RCBTB2: variants seen among roughly 807,000 people sequenced by gnomAD.
The protein encoded by RCBTB2 is RCC1 and BTB domain-containing protein 2.
RCBTB2 carries 55 observed loss-of-function variants against 65.4 expected under a neutral mutation model. The observed-to-expected ratio is 0.84, with a 90% CI of 0.68 to 1.05. The LOEUF (loss-of-function observed/expected upper bound fraction) is 1.05, where lower values mean the gene tolerates loss of function less well. RCBTB2 is among the 50% of genes least tolerant of loss of function. The pLI, the probability that RCBTB2 is intolerant of heterozygous loss-of-function variation, is 0.00. For synonymous variants in RCBTB2, 220 were observed against 255.2 expected, an observed-to-expected ratio of 0.86 and a Z score of 1.31; for missense variants, 599 against 680.1, an observed-to-expected ratio of 0.88 and a Z score of 1.33.
At chr13:48,522,183 T>G in intron 3 of RCBTB2, 125 bp downstream of exon 3, 1 of 750,180 alleles carries the variant, frequency 1.3e-6, no homozygotes, top group East Asian at 2.7e-5. Flanking sequence ...TACGGGAATC[T>G]TCCTGCTGAG....
intron 2 of RCBTB2, 95 bp from the exon 3 acceptor site, chr13:48,522,498 C>A: frequency 1.5e-6 from 1 of 663,146 alleles, no homozygotes; most frequent in Non-Finnish European, 2.6e-6. Context: ...AAATCTGAAA[C>A]AACAGCCATC....
Position 48,502,879 on chromosome 13 carries a change from G to T in RCBTB2, c.962C>A (p.Thr321Lys). The change falls in exon 11 of 15, where the codon ACG (threonine) becomes AAG (lysine). Residue 321 changes from threonine (T) to lysine (K), a missense_variant. Physicochemically the swap from Thr to Lys is moderately conservative, Grantham distance 78. Coordinates refer to ENST00000344532, the MANE Select transcript of RCBTB2 (RefSeq NM_001268.4). ...IEIAACHSTH[T>K]SAAKTQGGHV... is the part of the protein sequence containing the mutation. ...CCCACCCTGCGTCTTGGCCGCAGAC[G>T]TGTGTGTGGAGTGACAGGCTGCAAT... 6.2e-7 allele frequency: 1 copy of T among 1,613,890 alleles called. No homozygotes were observed.
Position 48,490,378 on chromosome 13 carries a change from G to C in RCBTB2, c.1516-127C>G, listed in dbSNP as rs9332074. ...TAATAGGCAAGTGGAGGAAATGATG[G>C]CATGGTAATACCTAAAGAATAGTCA... On this transcript the variant is annotated intron_variant, in intron 14 of 14. Transcript: ENST00000344532. 2,149 of 700,152 alleles carry C rather than the reference G, an allele frequency of 3.1e-3. 27 individuals are homozygous for C. In the African/African-American group the frequency reaches 0.035, roughly 12 times the overall value. The allele number at this position is 700,152 out of a possible 1,614,324, so 43.4% of individuals were successfully genotyped here.
chr13:48,499,865 G>T, intron 12 of RCBTB2, 105 bp from the exon 13 acceptor site: 1 of 1,286,232 alleles, frequency 7.8e-7, no homozygotes, highest in Non-Finnish European at 1.1e-6. Flanking sequence ...GCACGTCCCT[G>T]CTGTGGCTCC....
intron 5 of RCBTB2, 99 bp downstream of exon 5, chr13:48,515,484 CTTT>C: frequency 7.9e-7 from 1 of 1,263,898 alleles, no homozygotes; most frequent in Non-Finnish European, 1.1e-6. Flanking sequence ...AATTTCCATG[CTTT>C]TTTTTTTAAC....
chr13:48,517,735 C>A (rs780801094), intron 4 of RCBTB2, among the ~76,000 whole-genome samples: 1 of 152,118 alleles, frequency 6.6e-6, no homozygotes, highest in Non-Finnish European at 1.5e-5. Flanking sequence ...AAAAAGAGCT[C>A]AAAAGATAGT....
intron 1 of RCBTB2, among the ~76,000 whole-genome samples, chr13:48,529,387 T>C (rs1419717391): frequency 6.6e-6 from 1 of 152,196 alleles, no homozygotes; most frequent in East Asian, 1.9e-4. Flanking sequence ...TTTTGTTCAG[T>C]ATTATATACA....
chr13:48,509,729 T>A (rs1950684818), intron 10 of RCBTB2, among the ~76,000 whole-genome samples: 1 of 152,214 alleles, frequency 6.6e-6, no homozygotes, highest in Non-Finnish European at 1.5e-5. Flanking sequence ...AATACCCAAA[T>A]GAAAACTGAG....
At chr13:48,531,543 G>C (rs1414657274) in intron 1 of RCBTB2, among the ~76,000 whole-genome samples, 1 of 152,224 alleles carries the variant, frequency 6.6e-6, no homozygotes, top group East Asian at 1.9e-4. Context: ...GAGTGGGAAA[G>C]TGAGCATTGA....
chr13:48,526,463 G>C (rs527953012), intron 1 of RCBTB2, among the ~76,000 whole-genome samples: 24 of 152,246 alleles, frequency 1.6e-4, no homozygotes, highest in Admixed American at 5.9e-4. Flanking sequence ...TTGAACCCAG[G>C]ATGTGGAGGC....
chr13:48,519,706 T>C (rs1333726818), intron 4 of RCBTB2, among the ~76,000 whole-genome samples: 4 of 152,198 alleles, frequency 2.6e-5, no homozygotes, highest in Non-Finnish European at 5.9e-5. Context: ...AAACAAATAA[T>C]TACAATATAA....
At chr13:48,507,669 C>T (rs1156432130) in intron 10 of RCBTB2, among the ~76,000 whole-genome samples, 1 of 152,178 alleles carries the variant, frequency 6.6e-6, no homozygotes, top group African/African-American at 2.4e-5. Flanking sequence ...GGAGAAGAAA[C>T]AGCAAAGATG....
At chr13:48,498,420 T>C (rs1950071920) in intron 13 of RCBTB2, among the ~76,000 whole-genome samples, 1 of 152,128 alleles carries the variant, frequency 6.6e-6, no homozygotes, top group Non-Finnish European at 1.5e-5. Context: ...CAAATGTTAG[T>C]GGTGGGCCGA....
intron 1 of RCBTB2, among the ~76,000 whole-genome samples, chr13:48,529,776 C>A (rs541554644): frequency 1.1e-4 from 17 of 152,064 alleles, no homozygotes; most frequent in African/African-American, 2.9e-4. Flanking sequence ...GAAGTAAAAT[C>A]TCCAAGTAGA....
At position 48,524,748 on chromosome 13, in the gene RCBTB2, G is replaced by A. The variant is rs1303942331; in HGVS notation, c.-209C>T. On this transcript the variant is annotated 5_prime_UTR_variant, in exon 2 of 15. Coordinates refer to ENST00000344532, the MANE Select transcript of RCBTB2 (RefSeq NM_001268.4). ...TTGTAAAGTTGTCTTCTAGAGCAAA[G>A]TTAATGTGACTGGAAATATAAATAC... 1 of 152,142 alleles carries A rather than the reference G, an allele frequency of 6.6e-6. No homozygotes were observed. The highest frequency in any genetic ancestry group is 2.4e-5 in the African/African-American group (1 of 41,448). The allele number at this position is 152,142 out of a possible 1,614,324, so 9.4% of individuals were successfully genotyped here.
intron 13 of RCBTB2, 144 bp from the exon 14 acceptor site, chr13:48,496,465 C>G (rs1241037857): frequency 1.3e-6 from 1 of 741,218 alleles, no homozygotes; most frequent in African/African-American, 1.8e-5. Context: ...CTGACTGACA[C>G]TTACACTTCA....
rs1694369972 is a variant in RCBTB2 at position 48,515,187 on chromosome 13, A to T, written c.349+18T>A. On this transcript the variant is annotated intron_variant, in intron 6 of 14. Transcript: ENST00000344532. The stretch of plus-strand genomic sequence containing the variant: ...GCTGCGAATAAAGCTGAAATTCTAC[A>T]TGGGGTTCCTAGGTTACCTGTTGTT... 6.2e-7 allele frequency: 1 copy of T among 1,605,310 alleles called. No homozygotes were observed. Among genetic ancestry groups the T allele is most frequent in the Non-Finnish European group, 8.5e-7 (1 of 1,176,230 alleles).
chr13:48,522,325 T>C lies in RCBTB2; in HGVS notation c.-41A>G, dbSNP rs866205568. 2.0e-6 allele frequency: 3 copies of C among 1,529,296 alleles called. No individual in the cohort carries two copies. The highest frequency in any genetic ancestry group is 2.4e-5 in the East Asian group (1 of 40,886). 94.7% of individuals were successfully genotyped at this position (1,529,296 alleles called of 1,614,324 possible). ...TTTTAGACCTTTGTCAACTTTTCTC[T>C]GGGATTGGAAAGTTCCAAATCACGG... is the stretch of plus-strand genomic sequence containing the variant. On this transcript the variant is annotated 5_prime_UTR_variant, in exon 3 of 15. Coordinates refer to ENST00000344532, the MANE Select transcript of RCBTB2 (RefSeq NM_001268.4).
intron 14 of RCBTB2, among the ~76,000 whole-genome samples, 157 bp downstream of exon 14, chr13:48,496,034 T>TAAAATAAATATAA: frequency 6.6e-6 from 1 of 152,234 alleles, no homozygotes; most frequent in Non-Finnish European, 1.5e-5. Context: ...ATTATATAAA[T>TAAAATAAATATAA]ACTTGCTTAT....
Sources: allele counts gnomAD v4.1 joint callset (sites outside exome capture counted in the v4.1 genomes callset), GRCh38; gene constraint gnomAD v4.1.1; transcripts MANE v1.5; gene names NCBI Gene and HGNC (gene_info 2026-07-23, HGNC 2026-07-21).